Variants in HCN1 observed in about 807,000 individuals in gnomAD.
HCN1 encodes potassium/sodium hyperpolarization-activated cyclic nucleotide-gated channel 1.
A neutral mutation model predicts 78.9 loss-of-function variants in HCN1; 13 were observed. The ratio of observed to expected loss-of-function variants is 0.16; its 90% confidence interval spans 0.11 to 0.26. The LOEUF is 0.26. Ranked by LOEUF, HCN1 falls within the 10% of genes least tolerant of loss-of-function variation. The probability of loss-of-function intolerance (pLI) is 1.00; values close to 1 mark genes in which losing one functional copy is unlikely to be tolerated. For synonymous variants in HCN1, 552 were observed against 455.5 expected (o/e 1.21, Z -2.70); for missense variants, 810 against 1,154.3 (o/e 0.70, Z 4.32).
chr5:45,497,639 G>A (rs1422104037), intron 2 of HCN1, among the ~76,000 whole-genome samples: 1 of 152,056 alleles, frequency 6.6e-6, no homozygotes, highest in African/African-American at 2.4e-5. Flanking sequence ...ACACTGATGG[G>A]TCTTGACTCT....
intron 2 of HCN1, among the ~76,000 whole-genome samples, chr5:45,636,256 A>T (rs746882121): frequency 5.3e-5 from 8 of 152,186 alleles, no homozygotes; most frequent in Non-Finnish European, 1.0e-4. Context: ...ACCCATGCTT[A>T]TTATAAAACA....
intron 1 of HCN1, among the ~76,000 whole-genome samples, chr5:45,666,371 C>T (rs1746048566): frequency 6.6e-6 from 1 of 151,970 alleles, no homozygotes; most frequent in South Asian, 2.1e-4. Context: ...ATTACAAAAA[C>T]ATTTGTTTGG....
At chr5:45,570,131 A>G (rs1300768193) in intron 2 of HCN1, among the ~76,000 whole-genome samples, 1 of 152,060 alleles carries the variant, frequency 6.6e-6, no homozygotes, top group Non-Finnish European at 1.5e-5. Flanking sequence ...CTTTTTAATT[A>G]TGTCACCGTG....
chr5:45,356,247 A>C (rs1747005088), intron 4 of HCN1, among the ~76,000 whole-genome samples: 2 of 152,022 alleles, frequency 1.3e-5, no homozygotes, highest in Non-Finnish European at 2.9e-5. Context: ...TTTGAAAAGC[A>C]AGGATGCCAA....
chr5:45,393,552 C>A (rs1194669636), intron 4 of HCN1, among the ~76,000 whole-genome samples: 1 of 152,140 alleles, frequency 6.6e-6, no homozygotes, highest in African/African-American at 2.4e-5. Context: ...TTCCTTTGGA[C>A]ATTAGTAACT....
intron 2 of HCN1, among the ~76,000 whole-genome samples, chr5:45,492,366 G>C (rs1031676631): frequency 1.4e-5 from 2 of 140,584 alleles, no homozygotes; most frequent in East Asian, 4.2e-4. Flanking sequence ...ATCAAGCTTT[G>C]AGAGGATCTT....
intron 2 of HCN1, among the ~76,000 whole-genome samples, chr5:45,464,051 G>A (rs1036468802): frequency 7.2e-5 from 11 of 152,040 alleles, no homozygotes; most frequent in African/African-American, 2.7e-4. Context: ...TAGAGAACTA[G>A]CATCGATTCT....
chr5:45,268,297 T>C (rs912077873), intron 6 of HCN1, among the ~76,000 whole-genome samples: 6 of 152,236 alleles, frequency 3.9e-5, no homozygotes, highest in African/African-American at 1.4e-4. Flanking sequence ...TATTAAGAGA[T>C]AATTTTCCAT....
At chr5:45,297,105 A>G (rs1165134860) in intron 6 of HCN1, among the ~76,000 whole-genome samples, 1 of 152,080 alleles carries the variant, frequency 6.6e-6, no homozygotes, top group East Asian at 1.9e-4. Flanking sequence ...CATATTTATT[A>G]ACAGCAAACC....
intron 2 of HCN1, among the ~76,000 whole-genome samples, chr5:45,485,906 T>C (rs548957746): frequency 2.0e-5 from 3 of 152,302 alleles, no homozygotes; most frequent in Non-Finnish European, 4.4e-5. Context: ...TGGAGATTAG[T>C]TAGGCCCCAT....
At chr5:45,509,628 T>A (rs1349440099) in intron 2 of HCN1, among the ~76,000 whole-genome samples, 2 of 152,126 alleles carry the variant, frequency 1.3e-5, no homozygotes, top group Non-Finnish European at 2.9e-5. Context: ...TTATGTCAAC[T>A]CATTTTCAAC....
rs1402660385 is a variant in HCN1 at position 45,259,920 on chromosome 5, C to G, written c.*2001G>C. The G allele has an allele frequency of 1.3e-5, 2 of 152,558 alleles. No individual in the cohort carries two copies. The highest frequency in any genetic ancestry group is 2.4e-5 in the African/African-American group (1 of 41,430). 9.5% of individuals were successfully genotyped at this position (152,558 alleles called of 1,614,324 possible). Reference sequence around the variant, plus strand: ...AGCTTTCCCATAGGTTCTAGGTAGACTGAACAATCCCTTTCTTACAACAGT... The same window carrying G: ...AGCTTTCCCATAGGTTCTAGGTAGAGTGAACAATCCCTTTCTTACAACAGT... On this transcript the variant is annotated 3_prime_UTR_variant, in exon 8 of 8. Coordinates refer to ENST00000303230, the MANE Select transcript of HCN1 (RefSeq NM_021072.4).
rs1343548846 is a variant in HCN1, at chr5:45,258,148, TAAC to T, written c.*3770_*3772del. On this transcript the variant is annotated 3_prime_UTR_variant, in exon 8 of 8. Coordinates refer to ENST00000303230, the MANE Select transcript of HCN1 (RefSeq NM_021072.4). ...TAGAAGCAAAGTAACATAGTAAAAT[TAAC>T]AAATATAAAAACCTAAGCTGAAAGA... 6.6e-6 allele frequency: 1 copy of T among 152,116 alleles called. No homozygotes were observed. Among genetic ancestry groups the T allele is most frequent in the African/African-American group, 2.4e-5 (1 of 41,414 alleles). The allele number at this position is 152,116 out of a possible 1,614,324, so 9.4% of individuals were successfully genotyped here. A position where few individuals can be genotyped will look rare whatever the true frequency, so the allele number is the denominator to read the frequency against.
chr5:45,415,805 G>T (rs1478906190), intron 3 of HCN1, among the ~76,000 whole-genome samples: 1 of 151,972 alleles, frequency 6.6e-6, no homozygotes, highest in Non-Finnish European at 1.5e-5. Context: ...TTTCCTAAGG[G>T]CATAGACCAT....
At chr5:45,389,335 C>A (rs1747992643) in intron 4 of HCN1, among the ~76,000 whole-genome samples, 1 of 152,102 alleles carries the variant, frequency 6.6e-6, no homozygotes, top group Non-Finnish European at 1.5e-5. Flanking sequence ...TCTCTCCCCC[C>A]ATTTCACCCT....
At chr5:45,480,779 AC>A (rs1286937476) in intron 2 of HCN1, among the ~76,000 whole-genome samples, 1 of 152,196 alleles carries the variant, frequency 6.6e-6, no homozygotes, top group African/African-American at 2.4e-5. Flanking sequence ...ACTGTAAGAA[AC>A]CTACAAAGGA....
intron 5 of HCN1, among the ~76,000 whole-genome samples, chr5:45,329,877 C>T (rs1746310752): frequency 6.6e-6 from 1 of 151,304 alleles, no homozygotes; most frequent in Non-Finnish European, 1.5e-5. Context: ...TTTAACCTTA[C>T]AACCATGAAA....
Position 45,262,246 on chromosome 5 carries a change from A to C in HCN1, c.2348T>G (p.Val783Gly). 6.2e-7 allele frequency: 1 copy of C among 1,613,968 alleles called. No individual in the cohort carries two copies. Among genetic ancestry groups the C allele is most frequent in the Non-Finnish European group, 8.5e-7 (1 of 1,180,002 alleles). Residue 783 changes from valine (V) to glycine (G), a missense_variant, in exon 8 of 8, where the codon GTC becomes GGC. Physicochemically the swap from Val to Gly is moderately radical, Grantham distance 109. Around this residue, in one of 6 missense-constraint regions of HCN1, gnomAD observed 398 missense variants for 381.3 expected, o/e 1.04. Coordinates refer to ENST00000303230, the MANE Select transcript of HCN1 (RefSeq NM_021072.4). ...GGGCTGCGAGGCGGAGAGTGGCCTG[A>C]CTTCCCGGGTCAGGTTGGTGTTGTG... ...ALHNTNLTRE[V>G]RPLSASQPSL...
At chr5:45,345,570 A>G (rs2111970855) in intron 5 of HCN1, among the ~76,000 whole-genome samples, 1 of 152,336 alleles carries the variant, frequency 6.6e-6, no homozygotes, top group East Asian at 1.9e-4. Flanking sequence ...AGTTCCACAA[A>G]GATCTCTATG....
Sources: gnomAD v4.1 joint callset for allele counts (sites outside exome capture counted in the v4.1 genomes callset) on GRCh38, gnomAD v4.1.1 for gene constraint, gnomAD v4.1.1 regional missense constraint, MANE v1.5 for transcripts, NCBI Gene and HGNC (gene_info 2026-07-23, HGNC 2026-07-21) for gene names.